RNF135: variants seen among roughly 807,000 people sequenced by gnomAD.
RNF135 encodes ring finger protein 135.
In RNF135, 46 loss-of-function variants were observed where a neutral mutation model predicts 41.9. That is an observed-to-expected ratio of 1.10 (90% CI 0.87 to 1.40). The LOEUF is 1.40. RNF135 is among the 40% of genes most tolerant of loss of function. The pLI is 0.00. For missense variants in RNF135, 539 were observed against 549.8 expected (o/e 0.98, Z 0.20); for synonymous variants, 238 against 223.8 (o/e 1.06, Z -0.57).
In RNF135 at chr17:30,998,920, C is replaced by G; in HGVS notation, c.1028C>G (p.Thr343Ser). The G allele has an allele frequency of 1.9e-6, 3 of 1,613,482 alleles. No homozygotes were observed. The South Asian group carries it at 3.3e-5, about 18-fold the overall frequency. The change falls in exon 5 of 5, where the codon ACT (threonine) becomes AGT (serine). Residue 343 changes from threonine (T) to serine (S), a missense_variant. Coordinates refer to ENST00000328381, the MANE Select transcript of RNF135 (RefSeq NM_032322.4). ...AGCCGCGACCAGGTCCTGGGAAGGA[C>G]TATGGACTCTTGTTGTGTGGAATGG... is the stretch of plus-strand genomic sequence containing the variant. ...EMSRDQVLGR[T>S]MDSCCVEWKG...
intron 3 of RNF135, among the ~76,000 whole-genome samples, chr17:30,995,758 C>CT (rs113604380): frequency 0.021 from 3,091 of 145,924 alleles, 84 homozygotes; most frequent in African/African-American, 0.064. Context: ...GAATTTGTTA[C>CT]TTTTTTTTTT....
At chr17:30,967,879 T>C (rs1905616154), upstream of RNF135, among the ~76,000 whole-genome samples, 1 of 151,728 alleles carries the variant, frequency 6.6e-6, no homozygotes, top group African/African-American at 2.4e-5. Flanking sequence ...TTTTTTTTTG[T>C]ATTTTTCGAA....
At chr17:30,980,329 C>T (rs1201705342) in intron 1 of RNF135, 9 of 137,570 alleles carry the variant, frequency 6.5e-5, no homozygotes, top group Admixed American at 2.1e-4. Flanking sequence ...GCCGGCCGGG[C>T]GGGGGGCTGA....
At chr17:30,997,530 C>T (rs543209748) in intron 4 of RNF135, 199 bp downstream of exon 4, 20 of 648,094 alleles carry the variant, frequency 3.1e-5, no homozygotes, top group East Asian at 6.6e-5. Context: ...CTCAGAGTCC[C>T]GCCAACCTTT....
the RNF135 span, chr17:30,959,614 G>C: frequency 2.6e-5 from 4 of 152,156 alleles, no homozygotes; most frequent in Non-Finnish European, 5.9e-5. Flanking sequence ...GGTGAGGTGG[G>C]AAGATCATTT....
intron 2 of RNF135, among the ~76,000 whole-genome samples, chr17:30,985,670 C>T (rs1478667421): frequency 6.6e-6 from 1 of 152,204 alleles, no homozygotes; most frequent in Non-Finnish European, 1.5e-5. Flanking sequence ...CTCTTCTAGT[C>T]TGTTTTCCTC....
In RNF135 at chr17:30,990,251, G is replaced by A. The variant is rs147698795; in HGVS notation, c.679+2145G>A. ...CAAAAATCAAAACAGGGCTGGGCGC[G>A]GTGGCTCATGCCTGTAATCCCAGCA... On this transcript the variant is annotated intron_variant, in intron 3 of 4. Coordinates refer to ENST00000328381, the MANE Select transcript of RNF135 (RefSeq NM_032322.4). Among the ~76,000 whole-genome samples, 653 of 151,200 alleles carry A rather than the reference G, an allele frequency of 4.3e-3. 3 individuals are homozygous for A. Among genetic ancestry groups the A allele is most frequent in the African/African-American group, 0.015 (628 of 41,136 alleles).
At chr17:30,972,579 T>G (rs1906089111) in intron 1 of RNF135, 1 of 152,256 alleles carries the variant, frequency 6.6e-6, no homozygotes, top group African/African-American at 2.4e-5. Context: ...TGCTCACATC[T>G]AAGCTACTTT....
intron 1 of RNF135, chr17:30,972,274 GTTTT>G (rs1399436699): frequency 2.6e-5 from 4 of 151,624 alleles, no homozygotes; most frequent in Non-Finnish European, 5.9e-5. Flanking sequence ...TTTTTTGTAT[GTTTT>G]TTTCTTTTTT....
chr17:30,966,706 C>T (rs1295097051), upstream of RNF135, among the ~76,000 whole-genome samples: 4 of 151,010 alleles, frequency 2.6e-5, no homozygotes, highest in African/African-American at 9.7e-5. Context: ...GCGGTTTCAC[C>T]GTGTTTGCCA....
chr17:30,988,070 G>A lies in RNF135; in HGVS notation c.643G>A (p.Val215Ile), dbSNP rs567387402. 14 of 1,613,882 alleles carry A rather than the reference G, an allele frequency of 8.7e-6. No homozygotes were observed. The highest frequency in any genetic ancestry group is 1.7e-5 in the Admixed American group (1 of 59,976). ...EEIQEKLQESVTWKEAPEAQM... is the reference protein window; with the variant it reads ...EEIQEKLQESITWKEAPEAQM... ...AATTCAGGAAAAATTACAAGAAAGC[G>A]TCACCTGGAAAGAGGCTCCTGAAGC... is the stretch of plus-strand genomic sequence containing the variant. The change falls in exon 3 of 5, where the codon GTC (valine) becomes ATC (isoleucine). Residue 215 changes from valine (V) to isoleucine (I), a missense_variant. Physicochemically the swap from Val to Ile is conservative, Grantham distance 29. This residue lies in a region of RNF135 where 262 missense variants were observed against 336.9 expected (regional missense o/e 0.78). Transcript: ENST00000328381.
intron 1 of RNF135, among the ~76,000 whole-genome samples, chr17:30,983,317 G>GTATATATA (rs1234232549): frequency 1.2e-4 from 3 of 24,844 alleles, no homozygotes; most frequent in Non-Finnish European, 3.1e-4. Context: ...TTACATATAT[G>GTATATATA]TACATATATA....
At chr17:30,988,648 A>T (rs974282209) in intron 3 of RNF135, among the ~76,000 whole-genome samples, 1 of 151,380 alleles carries the variant, frequency 6.6e-6, no homozygotes, top group African/African-American at 2.4e-5. Flanking sequence ...GGATGGTCTC[A>T]ATCTCCTGAC....
intron 1 of RNF135, chr17:30,978,826 C>G (rs1004157753): frequency 1.4e-4 from 19 of 131,148 alleles, no homozygotes; most frequent in African/African-American, 5.7e-4. Context: ...AGCATGCTGC[C>G]TTCAAGCATC....
chr17:30,961,423 T>G, the RNF135 span, among the ~76,000 whole-genome samples: 8 of 152,236 alleles, frequency 5.3e-5, no homozygotes, highest in African/African-American at 1.9e-4. Flanking sequence ...ATGCAAACTT[T>G]GCGGTTCACC....
At chr17:30,970,945 G>C (rs2142648042), upstream of RNF135, 1 of 1,309,528 alleles carries the variant, frequency 7.6e-7, no homozygotes, top group Non-Finnish European at 1.0e-6. Context: ...ACGGGGTGGC[G>C]CCAAGGAAGG....
rs772497150 is a variant in RNF135, at chr17:30,998,667, A to C, written c.775A>C (p.Ile259Leu). 6.2e-7 allele frequency: 1 copy of C among 1,613,404 alleles called. No individual in the cohort carries two copies. The highest frequency in any genetic ancestry group is 1.3e-5 in the African/African-American group (1 of 74,686). Reference sequence around the variant, plus strand: ...TTCTTTTTTTTTTTCCAAAGGGGCCATCCATCCAACCTTTAACTTGAAGAG... The same window carrying C: ...TTCTTTTTTTTTTTCCAAAGGGGCCCTCCATCCAACCTTTAACTTGAAGAG... Reference protein sequence around the residue: ...RRASRFAQWAIHPTFNLKSLS... With the variant: ...RRASRFAQWALHPTFNLKSLS... The change falls in exon 5 of 5, where the codon ATC (isoleucine) becomes CTC (leucine). Residue 259 changes from isoleucine to leucine, a missense_variant. Coordinates refer to ENST00000328381, the MANE Select transcript of RNF135 (RefSeq NM_032322.4).
chr17:30,970,994 G>T (rs1401445456), upstream of RNF135: 2 of 1,521,026 alleles, frequency 1.3e-6, no homozygotes, highest in African/African-American at 2.8e-5. Flanking sequence ...AGGGCAAGGG[G>T]AAGAGGAAGG....
intron 1 of RNF135, 200 bp downstream of exon 1, chr17:30,971,645 A>G (rs1905962707): frequency 2.2e-6 from 3 of 1,350,152 alleles, no homozygotes; most frequent in Non-Finnish European, 2.8e-6. Context: ...CAAATTCCCC[A>G]TCTTCCGAAA....
Sources: gnomAD v4.1 joint callset for allele counts (sites outside exome capture counted in the v4.1 genomes callset) on GRCh38, gnomAD v4.1.1 for gene constraint, gnomAD v4.1.1 regional missense constraint, MANE v1.5 for transcripts, NCBI Gene and HGNC (gene_info 2026-07-23, HGNC 2026-07-21) for gene names.